PKHD1: variants seen among roughly 807,000 people sequenced by gnomAD.
The protein encoded by PKHD1 is PKHD1 ciliary IPT domain containing fibrocystin/polyductin.
A neutral mutation model predicts 412.0 loss-of-function variants in PKHD1; 291 were observed. The observed-to-expected ratio is 0.71, with a 90% confidence interval of 0.64 to 0.78. The LOEUF (loss-of-function observed/expected upper bound fraction) is 0.78, where lower values mean the gene tolerates loss of function less well. PKHD1 is among the 30% of genes least tolerant of loss of function. PKHD1 has a pLI of 0.00. For missense variants in PKHD1, 4,825 were observed against 4,950.7 expected (o/e 0.97, Z 0.76); for synonymous variants, 1,777 against 1,821.5 (o/e 0.98, Z 0.62).
At chr6:51,982,163 GCCA>G (rs1795450949) in intron 35 of PKHD1, among the ~76,000 whole-genome samples, 1 of 44,844 alleles carries the variant, frequency 2.2e-5, no homozygotes, top group Non-Finnish European at 4.9e-5. Context: ...CCGCCCGGCA[GCCA>G]CCCCGTCCGG....
At chr6:51,768,478 T>C (rs1034465490) in intron 55 of PKHD1, among the ~76,000 whole-genome samples, 6 of 152,032 alleles carry the variant, frequency 3.9e-5, no homozygotes, top group Admixed American at 3.3e-4. Context: ...TATTTGCAGT[T>C]GAAATTTTAA....
chr6:51,954,530 T>C (rs1390483859), intron 36 of PKHD1, among the ~76,000 whole-genome samples: 2 of 152,088 alleles, frequency 1.3e-5, no homozygotes, highest in Non-Finnish European at 2.9e-5. Context: ...CAACAGAGAC[T>C]GGAAACAAGT....
chr6:51,683,124 C>A (rs1776923388), intron 60 of PKHD1, among the ~76,000 whole-genome samples: 1 of 151,926 alleles, frequency 6.6e-6, no homozygotes, highest in African/African-American at 2.4e-5. Flanking sequence ...GATTTTTTTA[C>A]AAACAAATTT....
chr6:51,725,336 T>C (rs1279265919), intron 60 of PKHD1, among the ~76,000 whole-genome samples: 1 of 152,236 alleles, frequency 6.6e-6, no homozygotes, highest in Non-Finnish European at 1.5e-5. Context: ...TTGCTGTTGG[T>C]ATTTTCATGT....
At chr6:51,783,528 T>A (rs2151207412) in intron 53 of PKHD1, among the ~76,000 whole-genome samples, 1 of 151,846 alleles carries the variant, frequency 6.6e-6, no homozygotes, top group Admixed American at 6.6e-5. Flanking sequence ...AAAACAGTCT[T>A]TATTGAGTTG....
chr6:52,041,932 G>A (rs545132986), intron 27 of PKHD1, among the ~76,000 whole-genome samples: 1 of 152,310 alleles, frequency 6.6e-6, no homozygotes, highest in East Asian at 1.9e-4. Context: ...GGTGGAGGGA[G>A]CTGAAGAAGG....
At chr6:51,626,469 T>C (rs1404561318) in intron 66 of PKHD1, among the ~76,000 whole-genome samples, 1 of 152,158 alleles carries the variant, frequency 6.6e-6, no homozygotes, top group Non-Finnish European at 1.5e-5. Flanking sequence ...CTAATGGCAA[T>C]TTAACAATAT....
intron 60 of PKHD1, chr6:51,720,984 G>A (rs571228961): frequency 9.8e-5 from 96 of 983,780 alleles, no homozygotes; most frequent in Non-Finnish European, 1.1e-4. Flanking sequence ...TGGCAGCAAA[G>A]GTAGCAATTT....
chr6:51,768,294 G>A (rs1789481467), intron 55 of PKHD1, among the ~76,000 whole-genome samples: 2 of 151,788 alleles, frequency 1.3e-5, no homozygotes, highest in African/African-American at 4.8e-5. Flanking sequence ...AGATTCTGAT[G>A]CATACATTAG....
chr6:51,814,692 G>A (rs1175897329), intron 52 of PKHD1, among the ~76,000 whole-genome samples: 3 of 152,140 alleles, frequency 2.0e-5, no homozygotes, highest in Admixed American at 6.5e-5. Context: ...AGCCACAGGA[G>A]GCCTGTCAAC....
Position 52,025,019 on chromosome 6 carries a change from G to C in PKHD1, c.4791C>G (p.Gly1597=), listed in dbSNP as rs1433550993. 6.2e-7 allele frequency: 1 copy of C among 1,614,038 alleles called. No homozygotes were observed. The highest frequency in any genetic ancestry group is 8.5e-7 in the Non-Finnish European group (1 of 1,180,018). ...GGSLLTIEGT[G]LRGQNTTSVY... is the part of the protein sequence containing the mutation. ...CTGACGTGGTGTTCTGTCCTCTCAG[G>C]CCTGTGCCCTCTATGGTCAAGAGGC... The change falls in exon 32 of 67, where the codon GGC becomes GGG. Residue 1597 remains glycine (G), a synonymous_variant. Transcript: ENST00000371117.
At chr6:52,045,112 A>C (rs1805575403) in intron 24 of PKHD1, 24 bp from the exon 25 acceptor site, 1 of 1,611,906 alleles carries the variant, frequency 6.2e-7, no homozygotes, top group Non-Finnish European at 8.5e-7. Context: ...ATTTCTGGTA[A>C]ATTCTGTCAT....
chr6:52,086,419 T>C (rs562000236), intron 1 of PKHD1, among the ~76,000 whole-genome samples: 85 of 152,196 alleles, frequency 5.6e-4, no homozygotes, highest in African/African-American at 2.0e-3. Context: ...CCATTTAATT[T>C]ATATTTTTAA....
chr6:51,883,151 T>A lies in PKHD1; in HGVS notation c.7292A>T (p.Glu2431Val), dbSNP rs1280884139. Residue 2431 changes from glutamate (E) to valine (V), a missense_variant, in exon 46 of 67, where the codon GAA becomes GTA. Coordinates refer to ENST00000371117, the MANE Select transcript of PKHD1 (RefSeq NM_138694.4). ...SCRDFGIDVLESDANTSVTDS... is the reference protein window; with the variant it reads ...SCRDFGIDVLVSDANTSVTDS... ...AGTAACTGAAGTATTTGCATCACTTTCCAAGACGTCAATTCCAAAATCTCT... is the reference window on the plus strand; with the variant it reads ...AGTAACTGAAGTATTTGCATCACTTACCAAGACGTCAATTCCAAAATCTCT... 3 of 1,612,294 alleles carry A rather than the reference T, an allele frequency of 1.9e-6. No individual in the cohort carries two copies. The highest frequency in any genetic ancestry group is 2.5e-6 in the Non-Finnish European group (3 of 1,178,492).
intron 50 of PKHD1, among the ~76,000 whole-genome samples, chr6:51,844,138 A>G (rs540199509): frequency 1.4e-4 from 22 of 152,368 alleles, no homozygotes; most frequent in African/African-American, 4.8e-4. Flanking sequence ...AACATGGCAC[A>G]TTAACCACAC....
intron 60 of PKHD1, among the ~76,000 whole-genome samples, chr6:51,670,671 T>C (rs1424739115): frequency 1.3e-5 from 2 of 152,188 alleles, no homozygotes; most frequent in African/African-American, 2.4e-5. Flanking sequence ...GGCATGATTT[T>C]GCAGAGGCTG....
At chr6:51,976,554 C>T (rs770108384) in intron 35 of PKHD1, among the ~76,000 whole-genome samples, 1 of 152,142 alleles carries the variant, frequency 6.6e-6, no homozygotes, top group African/African-American at 2.4e-5. Context: ...ATCCTTGAGA[C>T]GGATGCTCGT....
At position 51,648,115 on chromosome 6, in the gene PKHD1, G is replaced by T. The variant is rs199839578; in HGVS notation, c.11314C>A (p.Arg3772=). 1.3e-6 allele frequency: 2 copies of T among 1,580,448 alleles called. No individual in the cohort carries two copies. The highest frequency in any genetic ancestry group is 1.1e-5 in the South Asian group (1 of 90,378). ...PQLVFLDEQN[R]RVESLGPPSE... ...GGAGGTCCCAGGGACTCTACTCTTC[G>T]ATTCTAGAAATGGGAATAGGAGGAG... The change falls in exon 63 of 67, where the codon CGA becomes AGA. Residue 3772 remains arginine, a synonymous_variant. Coordinates refer to ENST00000371117, the MANE Select transcript of PKHD1 (RefSeq NM_138694.4).
chr6:52,032,869 G>A (rs1331156448), intron 29 of PKHD1, among the ~76,000 whole-genome samples, 161 bp downstream of exon 29: 1 of 152,150 alleles, frequency 6.6e-6, no homozygotes, highest in Non-Finnish European at 1.5e-5. Context: ...GTAGATATCA[G>A]GAGATTGATT....
Sources: gnomAD v4.1 joint callset for allele counts (sites outside exome capture counted in the v4.1 genomes callset) on GRCh38, gnomAD v4.1.1 for gene constraint, MANE v1.5 for transcripts, NCBI Gene and HGNC (gene_info 2026-07-23, HGNC 2026-07-21) for gene names.